NIT2: variants seen among roughly 807,000 people sequenced by gnomAD.
NIT2 encodes omega-amidase NIT2.
NIT2 carries 46 observed loss-of-function variants against 42.7 expected under a neutral mutation model. That is an observed-to-expected ratio of 1.08 (90% CI 0.85 to 1.38). The LOEUF is 1.38. Ranked by LOEUF, NIT2 falls within the 40% of genes most tolerant of loss-of-function variation. The pLI, the probability that NIT2 is intolerant of heterozygous loss-of-function variation, is 0.00. For synonymous variants in NIT2, 123 were observed against 121.9 expected (o/e 1.01, Z -0.06); for missense variants, 309 against 342.5 (o/e 0.90, Z 0.77).
At chr3:100,349,882 G>C (rs1480394794) in intron 7 of NIT2, 1 of 152,258 alleles carries the variant, frequency 6.6e-6, no homozygotes, top group Non-Finnish European at 1.5e-5. Context: ...ATGTGACTGT[G>C]AGTGTGTCTG....
At chr3:100,352,197 T>C (rs927495260) in intron 7 of NIT2, among the ~76,000 whole-genome samples, 11 of 152,216 alleles carry the variant, frequency 7.2e-5, no homozygotes, top group African/African-American at 2.7e-4. Flanking sequence ...TGGAAGTCAG[T>C]GTGGTGATTC....
chr3:100,345,749 T>C (rs1706210289), intron 5 of NIT2, 71 bp downstream of exon 5: 1 of 951,098 alleles, frequency 1.1e-6, no homozygotes, highest in Admixed American at 2.1e-5. Flanking sequence ...TTCTTTTTTG[T>C]CTCTCTCCGA....
rs967496830 is a variant in NIT2, at chr3:100,334,895, C to T, written c.7+97C>T. ...GGCTCGGCCGGCTCAGCCCCTCCGC[C>T]CCGCGTCCCCGCCGTGCGCGGCCTT... On this transcript the variant is annotated intron_variant, in intron 1 of 9. Coordinates refer to ENST00000394140, the MANE Select transcript of NIT2 (RefSeq NM_020202.5). The T allele has an allele frequency of 7.1e-6, 8 of 1,119,080 alleles. No homozygotes were observed. The Middle Eastern group carries it at 1.7e-3, about 241-fold the overall frequency. The allele number at this position is 1,119,080 out of a possible 1,614,324, so 69.3% of individuals were successfully genotyped here.
At chr3:100,339,970 C>T in intron 3 of NIT2, 35 bp downstream of exon 3, 1 of 1,580,042 alleles carries the variant, frequency 6.3e-7, no homozygotes, top group Non-Finnish European at 8.6e-7. Flanking sequence ...ATGACCTAAA[C>T]ATTAGAAACA....
At chr3:100,338,220 T>C (rs1302358428) in intron 1 of NIT2, among the ~76,000 whole-genome samples, 3 of 152,258 alleles carry the variant, frequency 2.0e-5, no homozygotes, top group African/African-American at 7.2e-5. Context: ...GCTCCAGGGC[T>C]GAGCACAGAC....
intron 4 of NIT2, among the ~76,000 whole-genome samples, chr3:100,341,935 C>T (rs62274141): frequency 0.46 from 69,992 of 151,630 alleles, 17,653 homozygotes; most frequent in Middle Eastern, 0.61. Flanking sequence ...CCCAGCTACT[C>T]AGGAAGCTGA....
Position 100,348,844 on chromosome 3 carries a change from A to T in NIT2, c.547A>T (p.Thr183Ser). 1 of 1,614,084 alleles carries T rather than the reference A, an allele frequency of 6.2e-7. No homozygotes were observed. Among genetic ancestry groups the T allele is most frequent in the Non-Finnish European group, 8.5e-7 (1 of 1,179,948 alleles). ...LVYPGAFNLT[T>S]GPAHWELLQR... ...ATATCCAGGAGCTTTTAATCTGACC[A>T]CTGGACCAGCCCATTGGGAGTTACT... The change falls in exon 7 of 10, where the codon ACT becomes TCT. Residue 183 changes from threonine (T) to serine (S), a missense_variant. Thr to Ser is a moderately conservative substitution (Grantham distance 58, BLOSUM62 1). Coordinates refer to ENST00000394140, the MANE Select transcript of NIT2 (RefSeq NM_020202.5).
chr3:100,346,643 A>G (rs573460765), intron 6 of NIT2, among the ~76,000 whole-genome samples: 4 of 152,334 alleles, frequency 2.6e-5, no homozygotes, highest in South Asian at 4.1e-4. Flanking sequence ...GAAATGTGCC[A>G]GTATCTGGGA....
At chr3:100,354,646 G>A (rs371423968) in intron 8 of NIT2, 126 bp from the exon 9 acceptor site, 20 of 597,250 alleles carry the variant, frequency 3.3e-5, no homozygotes, top group Middle Eastern at 2.7e-4. Context: ...AAATCTGTAC[G>A]ACTACCTTCT....
intron 6 of NIT2, among the ~76,000 whole-genome samples, chr3:100,346,658 C>T (rs746058114): frequency 1.3e-5 from 2 of 152,078 alleles, no homozygotes; most frequent in African/African-American, 2.4e-5. Flanking sequence ...CTGGGAAGAG[C>T]GAGTTCAAAA....
In NIT2 at chr3:100,346,242, C is replaced by A. The variant is rs770433138; in HGVS notation, c.492C>A (p.Ile164=). The part of the protein sequence containing the change: ...YDMRFAELAQ[I]YAQRGCQLLV... ...TGCGGTTTGCAGAGCTTGCACAAAT[C>A]TACGCACAGAGAGGTGAGGCAGTGT... Residue 164 remains isoleucine, a synonymous_variant, in exon 6 of 10, where the codon ATC becomes ATA. Coordinates refer to ENST00000394140, the MANE Select transcript of NIT2 (RefSeq NM_020202.5). The A allele has an allele frequency of 6.2e-7, 1 of 1,614,060 alleles. No individual in the cohort carries two copies. Among genetic ancestry groups the A allele is most frequent in the Non-Finnish European group, 8.5e-7 (1 of 1,179,938 alleles).
chr3:100,343,395 A>G (rs957370772), intron 4 of NIT2, among the ~76,000 whole-genome samples: 17 of 151,872 alleles, frequency 1.1e-4, no homozygotes, highest in Admixed American at 6.6e-4. Context: ...TGTCTTTCCA[A>G]TACTTTTTCC....
At position 100,352,404 on chromosome 3, in the gene NIT2, G is replaced by C; in HGVS notation, c.585G>C (p.Arg195=). The change falls in exon 8 of 10, where the codon CGG becomes CGC. Residue 195 remains arginine (R), a splice_region_variant and synonymous_variant. Transcript: ENST00000394140. The stretch of plus-strand genomic sequence containing the variant: ...CCTCTTTCCTGTCTATTGACTACAG[G>C]GCTGTTGATAATCAGGTGTATGTGG... The part of the protein sequence containing the change: ...PAHWELLQRS[R]AVDNQVYVAT... The C allele has an allele frequency of 6.2e-7, 1 of 1,611,278 alleles. No individual in the cohort carries two copies. The highest frequency in any genetic ancestry group is 8.5e-7 in the Non-Finnish European group (1 of 1,177,846).
intron 3 of NIT2, 54 bp from the exon 4 acceptor site, chr3:100,341,019 C>T (rs1406644657): frequency 8.1e-7 from 1 of 1,234,458 alleles, no homozygotes; most frequent in Non-Finnish European, 1.2e-6. Context: ...CCCTTTCTCA[C>T]AAAAGAATTG....
chr3:100,347,940 G>C (rs1180258647), intron 6 of NIT2, among the ~76,000 whole-genome samples: 1 of 151,982 alleles, frequency 6.6e-6, no homozygotes, highest in Non-Finnish European at 1.5e-5. Flanking sequence ...GCCCAGGCTG[G>C]AGTGCAGTGG....
At chr3:100,336,783 C>T (rs962581558) in intron 1 of NIT2, among the ~76,000 whole-genome samples, 1 of 152,138 alleles carries the variant, frequency 6.6e-6, no homozygotes, top group Non-Finnish European at 1.5e-5. Flanking sequence ...TGCCCAGGGA[C>T]GGGCAGGAGA....
In NIT2 at chr3:100,359,308, C is replaced by T. The variant is rs1289154172; in HGVS notation, c.*4040C>T. On this transcript the variant is annotated 3_prime_UTR_variant, in exon 10 of 10. Coordinates refer to ENST00000394140, the MANE Select transcript of NIT2 (RefSeq NM_020202.5). ...GTTGTCATCCTAGCTCTTCCTGAAG[C>T]ATATTGAATCCTCCAAGTATATCCC... 1 of 152,176 alleles carries T rather than the reference C, an allele frequency of 6.6e-6. No homozygotes were observed. The highest frequency in any genetic ancestry group is 1.5e-5 in the Non-Finnish European group (1 of 68,036). The allele number at this position is 152,176 out of a possible 1,614,324, so 9.4% of individuals were successfully genotyped here.
rs544779455 is a variant in NIT2 at position 100,340,008 on chromosome 3, C to T, written c.247+73C>T. The T allele has an allele frequency of 4.7e-5, 60 of 1,281,394 alleles. 1 individual carries two copies. The South Asian group carries it at 7.5e-4, about 16-fold the overall frequency. The allele number at this position is 1,281,394 out of a possible 1,614,324, so 79.4% of individuals were successfully genotyped here. A position where few individuals can be genotyped will look rare whatever the true frequency, so the allele number is the denominator to read the frequency against. On this transcript the variant is annotated intron_variant, in intron 3 of 9. Coordinates refer to ENST00000394140, the MANE Select transcript of NIT2 (RefSeq NM_020202.5). ...TGAATGAGTCAGGTGTGGTGGCGTG[C>T]GCCTGTATTCCCTACTTGGGAAGCT... is the stretch of plus-strand genomic sequence containing the variant.
At chr3:100,353,466 C>T (rs1024978717) in intron 8 of NIT2, among the ~76,000 whole-genome samples, 1 of 152,170 alleles carries the variant, frequency 6.6e-6, no homozygotes, top group Non-Finnish European at 1.5e-5. Context: ...GCCTCCTGCA[C>T]ATTAGGCTTG....
Sources: gnomAD v4.1 joint callset for allele counts (sites outside exome capture counted in the v4.1 genomes callset) on GRCh38, gnomAD v4.1.1 for gene constraint, MANE v1.5 for transcripts, NCBI Gene and HGNC (gene_info 2026-07-23, HGNC 2026-07-21) for gene names.